ZNF529: variants seen among roughly 807,000 people sequenced by gnomAD.
ZNF529 encodes zinc finger protein 529.
Under a neutral mutation model 10.1 loss-of-function variants are expected in ZNF529, and 11 were observed. That is an observed-to-expected ratio of 1.09 (90% CI 0.69 to 1.81). ZNF529 has a LOEUF of 1.81. Among genes scored for constraint, ZNF529 ranks in the 40% most tolerant of loss-of-function variants. ZNF529 has a pLI of 0.00. For missense variants in ZNF529, 624 were observed against 666.8 expected (o/e 0.94, Z 0.71); for synonymous variants, 204 against 215.7 (o/e 0.95, Z 0.47).
chr19:36,573,681 G>T, upstream of ZNF529: 1 of 340,116 alleles, frequency 2.9e-6, no homozygotes, highest in Admixed American at 3.8e-5. Context: ...GGGCCGGGGA[G>T]GGTGAAGGGA....
At chr19:36,550,459 T>A (rs1424571835) in intron 4 of ZNF529, among the ~76,000 whole-genome samples, 1 of 152,088 alleles carries the variant, frequency 6.6e-6, no homozygotes, top group African/African-American at 2.4e-5. Flanking sequence ...GGCAGGAGAA[T>A]CGCTCAAACC....
rs188295673 is a variant in ZNF529, at chr19:36,550,956, C to T, written c.236-2634G>A. ...AATGAGATAAAATGTTCACTCACTCCATGAAACAGAAAAATCATAACCATG... is the reference window on the plus strand; with the variant it reads ...AATGAGATAAAATGTTCACTCACTCTATGAAACAGAAAAATCATAACCATG... On this transcript the variant is annotated intron_variant, in intron 4 of 4. Coordinates refer to ENST00000591340, the MANE Select transcript of ZNF529 (RefSeq NM_020951.5). Among the ~76,000 whole-genome samples, 258 of 152,232 alleles carry T rather than the reference C, an allele frequency of 1.7e-3. 1 individual carries two copies. Among genetic ancestry groups the T allele is most frequent in the African/African-American group, 6.0e-3 (248 of 41,544 alleles).
At chr19:36,561,395 T>G (rs2145821661) in intron 2 of ZNF529, among the ~76,000 whole-genome samples, 1 of 152,062 alleles carries the variant, frequency 6.6e-6, no homozygotes, top group Middle Eastern at 3.4e-3. Flanking sequence ...TTTTTTTTTT[T>G]TTTTTGAGAC....
At chr19:36,588,904 AT>A (rs2036641003) in intron 2 of ZNF529, among the ~76,000 whole-genome samples, 1 of 151,644 alleles carries the variant, frequency 6.6e-6, no homozygotes, top group African/African-American at 2.4e-5. Context: ...ACTTCAGCAA[AT>A]TAATTGAACC....
intron 4 of ZNF529, among the ~76,000 whole-genome samples, chr19:36,549,468 A>C (rs2035180080): frequency 6.6e-6 from 1 of 152,214 alleles, no homozygotes. Flanking sequence ...GAAAACAATA[A>C]TTATCAAAAT....
intron 1 of ZNF529, chr19:36,594,583 G>A (rs1463861842): frequency 6.6e-6 from 1 of 152,458 alleles, no homozygotes; most frequent in African/African-American, 2.4e-5. Context: ...AAACGAGCAA[G>A]CCTTCAGATG....
intron 1 of ZNF529, chr19:36,594,824 T>C (rs1471001696): frequency 6.6e-6 from 1 of 152,094 alleles, no homozygotes; most frequent in Non-Finnish European, 1.5e-5. Flanking sequence ...CATGGAATCC[T>C]GCCTCCCAGC....
chr19:36,576,845 G>T (rs2036331009), upstream of ZNF529, among the ~76,000 whole-genome samples: 1 of 151,792 alleles, frequency 6.6e-6, no homozygotes, highest in Non-Finnish European at 1.5e-5. Context: ...TTTTTATACA[G>T]ATAGTGATTT....
In ZNF529 at chr19:36,546,685, A is replaced by C. The variant is rs775571924; in HGVS notation, c.*181T>G. ...GGAGAAATATTTGGCAACATCTAAC[A>C]AAGCTATAAGTATATATCAGCTATG... is the stretch of plus-strand genomic sequence containing the variant. On this transcript the variant is annotated 3_prime_UTR_variant, in exon 5 of 5. Transcript: ENST00000591340. The C allele has an allele frequency of 7.2e-6, 4 of 556,384 alleles. No homozygotes were observed. The highest frequency in any genetic ancestry group is 1.1e-5 in the Non-Finnish European group (4 of 351,578). The allele number at this position is 556,384 out of a possible 1,614,324, so 34.5% of individuals were successfully genotyped here. A position where few individuals can be genotyped will look rare whatever the true frequency, so the allele number is the denominator to read the frequency against.
intron 2 of ZNF529, among the ~76,000 whole-genome samples, chr19:36,570,382 G>GAA: frequency 1.7e-5 from 2 of 120,538 alleles, no homozygotes; most frequent in South Asian, 2.7e-4. Context: ...AAAAAAAAAA[G>GAA]AAAAGAAAAA....
chr19:36,575,941 C>T (rs952410972), upstream of ZNF529, among the ~76,000 whole-genome samples: 7 of 152,014 alleles, frequency 4.6e-5, no homozygotes, highest in African/African-American at 1.2e-4. Context: ...CTCTGCCTCC[C>T]GGGTTCAAGC....
At chr19:36,590,154 A>G (rs2036672623) in intron 1 of ZNF529, among the ~76,000 whole-genome samples, 2 of 152,244 alleles carry the variant, frequency 1.3e-5, no homozygotes, top group South Asian at 4.1e-4. Flanking sequence ...GGATCGCTTG[A>G]GCTCAGGAGT....
Position 36,546,590 on chromosome 19 carries a change from C to T in ZNF529, c.*276G>A, listed in dbSNP as rs568570715. On this transcript the variant is annotated 3_prime_UTR_variant, in exon 5 of 5. Transcript: ENST00000591340. ...ATAGTCAAAAGAGCAATAATACAAA[C>T]ATCAAAAGCTATTGTAAACAAAACA... The T allele has an allele frequency of 4.0e-5, 13 of 327,468 alleles. No individual in the cohort carries two copies. Among genetic ancestry groups the T allele is most frequent in the Admixed American group, 1.3e-4 (3 of 22,794 alleles). 20.3% of individuals were successfully genotyped at this position (327,468 alleles called of 1,614,324 possible).
chr19:36,574,761 C>T (rs1353037427), upstream of ZNF529: 1 of 468,132 alleles, frequency 2.1e-6, no homozygotes, highest in East Asian at 7.0e-5. Context: ...CTCCATTGTG[C>T]AAATATACCA....
intron 2 of ZNF529, among the ~76,000 whole-genome samples, chr19:36,561,659 T>G (rs1164094701): frequency 6.6e-6 from 1 of 152,046 alleles, no homozygotes; most frequent in African/African-American, 2.4e-5. Context: ...ACCCTAGACC[T>G]GTAGAGCCAG....
chr19:36,574,899 T>G (rs879082889), upstream of ZNF529: 1 of 471,152 alleles, frequency 2.1e-6, no homozygotes, highest in Non-Finnish European at 4.4e-6. Context: ...GCTGGGTAAT[T>G]GGTAAGTTTA....
At chr19:36,551,723 C>T (rs987850436) in intron 4 of ZNF529, among the ~76,000 whole-genome samples, 1 of 152,104 alleles carries the variant, frequency 6.6e-6, no homozygotes, top group African/African-American at 2.4e-5. Flanking sequence ...ATTAGGTGAA[C>T]CACTGAAAAG....
intron 3 of ZNF529, 52 bp downstream of exon 3, chr19:36,556,052 G>C (rs1441426726): frequency 1.3e-6 from 2 of 1,536,822 alleles, no homozygotes; most frequent in East Asian, 2.5e-5. Context: ...TGTTTGGTAG[G>C]AAGAATCAGA....
At chr19:36,580,000 T>C (rs932744346) in intron 2 of ZNF529, among the ~76,000 whole-genome samples, 7 of 152,216 alleles carry the variant, frequency 4.6e-5, no homozygotes, top group African/African-American at 1.4e-4. Context: ...CCTTATTCTA[T>C]AGGCTTTTTT....
Sources: gnomAD v4.1 joint callset for allele counts (sites outside exome capture counted in the v4.1 genomes callset) on GRCh38, gnomAD v4.1.1 for gene constraint, MANE v1.5 for transcripts, NCBI Gene and HGNC (gene_info 2026-07-23, HGNC 2026-07-21) for gene names.